ITPR1: variants seen among roughly 807,000 people sequenced by gnomAD.
ITPR1 encodes inositol 1,4,5-trisphosphate receptor type 1, also known as inositol 1,4,5-trisphosphate-gated calcium channel ITPR1.
Under a neutral mutation model 318.4 loss-of-function variants are expected in ITPR1, and 96 were observed. That is an observed-to-expected ratio of 0.30 (90% CI 0.26 to 0.36). ITPR1 has a LOEUF of 0.36. Ranked by LOEUF, ITPR1 falls within the 10% of genes least tolerant of loss-of-function variation. The pLI is 1.00. For synonymous variants in ITPR1, 1,312 were observed against 1,289.9 expected, an observed-to-expected ratio of 1.02 and a Z score of -0.37; for missense variants, 2,440 against 3,460.2, an observed-to-expected ratio of 0.71 and a Z score of 7.40.
At chr3:4,705,326 T>C (rs1041331618) in intron 36 of ITPR1, among the ~76,000 whole-genome samples, 1 of 152,234 alleles carries the variant, frequency 6.6e-6, no homozygotes, top group African/African-American at 2.4e-5. Flanking sequence ...TTGTCACCCG[T>C]TGTCAGCATC....
In ITPR1 at chr3:4,644,123, C is replaced by T; in HGVS notation, c.526-13C>T. The T allele has an allele frequency of 6.3e-7, 1 of 1,587,628 alleles. No homozygotes were observed. The highest frequency in any genetic ancestry group is 8.6e-7 in the Non-Finnish European group (1 of 1,159,472). On this transcript the variant is annotated splice_polypyrimidine_tract_variant and intron_variant, in intron 7 of 61. Transcript: ENST00000649015. ...AGTTTTGTGCAAAGCTCTATTGCTC[C>T]TTTCCATTCCAGGTGGTCATAGGTG...
At chr3:4,818,832 G>T (rs1237018804) in intron 60 of ITPR1, among the ~76,000 whole-genome samples, 1 of 152,204 alleles carries the variant, frequency 6.6e-6, no homozygotes. Flanking sequence ...CAGGCTGTTA[G>T]AGAACACTTC....
chr3:4,808,128 AC>A lies in ITPR1; in HGVS notation c.7272+1864del, dbSNP rs1350893470. ...TAATGGTGAGAGGAACACAGTCCCT[AC>A]CCTCATAGGCCTCACAGTCAGGAGC... On this transcript the variant is annotated intron_variant, in intron 55 of 61. Transcript: ENST00000649015. 7.9e-5 allele frequency among the ~76,000 whole-genome samples: 12 copies of A among 152,296 alleles called. No homozygotes were observed. The East Asian group carries it at 2.3e-3, about 29-fold the overall frequency.
At chr3:4,699,432 T>C (rs1038298848) in intron 34 of ITPR1, among the ~76,000 whole-genome samples, 2 of 152,134 alleles carry the variant, frequency 1.3e-5, no homozygotes, top group Non-Finnish European at 2.9e-5. Flanking sequence ...GAGGAAACCA[T>C]GGTCTAGAAC....
chr3:4,813,062 C>A, intron 56 of ITPR1, 80 bp from the exon 57 acceptor site: 1 of 970,998 alleles, frequency 1.0e-6, no homozygotes, highest in Non-Finnish European at 1.7e-6. Context: ...ATTGTTTAAT[C>A]AGCCGTGAAT....
chr3:4,781,086 ATGT>A (rs893882446), intron 49 of ITPR1, among the ~76,000 whole-genome samples: 12 of 152,326 alleles, frequency 7.9e-5, no homozygotes, highest in African/African-American at 2.2e-4. Flanking sequence ...CGCATGTAAC[ATGT>A]TGTCTGCTCG....
In ITPR1 at chr3:4,540,442, A is replaced by G. The variant is rs141108619; in HGVS notation, c.163+19348A>G. Among the ~76,000 whole-genome samples, 12 of 152,294 alleles carry G rather than the reference A, an allele frequency of 7.9e-5. No individual in the cohort carries two copies. The East Asian group carries it at 2.1e-3, about 27-fold the overall frequency. The stretch of plus-strand genomic sequence containing the variant: ...CTACTCTCTCTGACCATCTTTGTCT[A>G]TTATCTATTAATTGGAATGTTTAGT... On this transcript the variant is annotated intron_variant, in intron 4 of 61. Coordinates refer to ENST00000649015, the MANE Select transcript of ITPR1 (RefSeq NM_001378452.1).
Position 4,688,650 on chromosome 3 carries a change from T to C in ITPR1, c.3828+30T>C, listed in dbSNP as rs149681312. ...GACTTGAGGCCAATCTGCAAATCTA[T>C]AGAGGGAGGAGGGCAGGGAAGAGGG... On this transcript the variant is annotated intron_variant, in intron 31 of 61. Transcript: ENST00000649015. The C allele has an allele frequency of 7.5e-5, 120 of 1,602,728 alleles. No individual in the cohort carries two copies. The East Asian group carries it at 2.0e-3, about 27-fold the overall frequency.
chr3:4,661,319 A>G (rs1055884252), intron 14 of ITPR1, among the ~76,000 whole-genome samples: 8 of 152,244 alleles, frequency 5.3e-5, no homozygotes, highest in African/African-American at 1.4e-4. Context: ...GGCTTCTGCC[A>G]TAATGGTTGA....
chr3:4,602,208 A>T (rs563941826), intron 4 of ITPR1, among the ~76,000 whole-genome samples: 82 of 152,324 alleles, frequency 5.4e-4, no homozygotes, highest in African/African-American at 1.9e-3. Context: ...ATGAATTGAA[A>T]ACATACGTCT....
intron 44 of ITPR1, among the ~76,000 whole-genome samples, chr3:4,754,869 C>G (rs959075451): frequency 2.0e-5 from 3 of 152,234 alleles, no homozygotes; most frequent in African/African-American, 7.2e-5. Context: ...TGACACTCCA[C>G]TGGTCATCTT....
chr3:4,756,178 G>T (rs901284428), intron 44 of ITPR1, among the ~76,000 whole-genome samples: 1 of 152,158 alleles, frequency 6.6e-6, no homozygotes, highest in African/African-American at 2.4e-5. Flanking sequence ...ATGTGGAAAG[G>T]CTGGGGATTA....
At chr3:4,821,930 G>C (rs1476327669) in intron 60 of ITPR1, among the ~76,000 whole-genome samples, 1 of 152,112 alleles carries the variant, frequency 6.6e-6, no homozygotes, top group East Asian at 1.9e-4. Flanking sequence ...CTCCCCTTTT[G>C]GTCTTCCCCT....
At chr3:4,685,027 T>C (rs1048025609) in intron 29 of ITPR1, 42 bp from the exon 30 acceptor site, 1 of 1,592,028 alleles carries the variant, frequency 6.3e-7, no homozygotes, top group African/African-American at 1.3e-5. Context: ...TTTCCAGCTA[T>C]AGTTCCTAGT....
chr3:4,681,803 C>G (rs1391648755), intron 26 of ITPR1, among the ~76,000 whole-genome samples: 1 of 151,828 alleles, frequency 6.6e-6, no homozygotes, highest in Non-Finnish European at 1.5e-5. Flanking sequence ...AGATCATGTC[C>G]TGCTGCTGCT....
chr3:4,788,781 G>A (rs1388371876), intron 52 of ITPR1, among the ~76,000 whole-genome samples: 2 of 152,182 alleles, frequency 1.3e-5, no homozygotes, highest in African/African-American at 4.8e-5. Context: ...CCTTGTGCTT[G>A]GCACTGGCTG....
chr3:4,521,824 C>T (rs304016), intron 4 of ITPR1, among the ~76,000 whole-genome samples: 130,476 of 152,190 alleles, frequency 0.86, 56,371 homozygotes, highest in East Asian at 1. Flanking sequence ...GAACCGAGAT[C>T]GCACCACTGT....
intron 42 of ITPR1, among the ~76,000 whole-genome samples, chr3:4,729,417 T>C (rs910162278): frequency 6.6e-6 from 1 of 152,210 alleles, no homozygotes; most frequent in African/African-American, 2.4e-5. Flanking sequence ...GAAGGTATTT[T>C]AAAATCCAGG....
intron 4 of ITPR1, among the ~76,000 whole-genome samples, chr3:4,551,798 T>C (rs10510294): frequency 0.17 from 26,367 of 152,262 alleles, 2,528 homozygotes; most frequent in Non-Finnish European, 0.22. Context: ...TTAAGTTATA[T>C]AGCTGGTAAG....
Sources: gnomAD v4.1 joint callset for allele counts (sites outside exome capture counted in the v4.1 genomes callset) on GRCh38, gnomAD v4.1.1 for gene constraint, MANE v1.5 for transcripts, NCBI Gene and HGNC (gene_info 2026-07-23, HGNC 2026-07-21) for gene names.